The following RPS6KC1 variants were observed in gnomAD, a reference collection of about 807,000 sequenced individuals.
RPS6KC1 encodes the protein ribosomal protein S6 kinase C1.
Under a neutral mutation model 103.8 loss-of-function variants are expected in RPS6KC1, and 54 were observed. The observed-to-expected ratio is 0.52, with a 90% CI of 0.42 to 0.65. The LOEUF is 0.65. Among genes scored for constraint, RPS6KC1 ranks in the 30% least tolerant of loss-of-function variants. The probability of loss-of-function intolerance (pLI) is 0.00; values close to 1 mark genes in which losing one functional copy is unlikely to be tolerated. For missense variants in RPS6KC1, 1,151 were observed against 1,253.8 expected (o/e 0.92, Z 1.24); for synonymous variants, 439 against 438.7 (o/e 1.00, Z -0.01).
the RPS6KC1 span, among the ~76,000 whole-genome samples, chr1:213,343,824 G>A: frequency 6.6e-6 from 1 of 150,700 alleles, no homozygotes; most frequent in Non-Finnish European, 1.5e-5. Context: ...AAATAAAAAA[G>A]TTTTTTTTTG....
intron 13 of RPS6KC1, among the ~76,000 whole-genome samples, chr1:213,262,057 T>C (rs997819650): frequency 6.6e-6 from 1 of 152,192 alleles, no homozygotes; most frequent in Non-Finnish European, 1.5e-5. Context: ...TAACATTATC[T>C]TTTTCTCAGT....
At chr1:213,643,612 T>TC in the RPS6KC1 span, among the ~76,000 whole-genome samples, 2 of 151,962 alleles carry the variant, frequency 1.3e-5, no homozygotes, top group Admixed American at 6.6e-5. Flanking sequence ...CTTTTAGTAT[T>TC]CCCCTCCCTC....
At chr1:213,634,143 C>A in the RPS6KC1 span, among the ~76,000 whole-genome samples, 6 of 152,166 alleles carry the variant, frequency 3.9e-5, no homozygotes, top group South Asian at 8.3e-4. Flanking sequence ...GACTTTAACA[C>A]CCCACTGTCA....
At chr1:213,331,032 G>A in the RPS6KC1 span, among the ~76,000 whole-genome samples, 1 of 152,220 alleles carries the variant, frequency 6.6e-6, no homozygotes, top group South Asian at 2.1e-4. Flanking sequence ...GTGATGGTTG[G>A]CTTTTTGTTA....
At chr1:213,709,046 C>T in the RPS6KC1 span, among the ~76,000 whole-genome samples, 1 of 152,100 alleles carries the variant, frequency 6.6e-6, no homozygotes, top group Admixed American at 6.6e-5. Context: ...GTTTTGGTAT[C>T]AGGATATGCT....
chr1:213,766,411 T>G, the RPS6KC1 span, among the ~76,000 whole-genome samples: 1 of 152,136 alleles, frequency 6.6e-6, no homozygotes, highest in African/African-American at 2.4e-5. Context: ...TGCCATCACA[T>G]GGCACGTAAG....
the RPS6KC1 span, among the ~76,000 whole-genome samples, chr1:213,582,657 AAAC>A: frequency 6.6e-5 from 10 of 152,256 alleles, no homozygotes; most frequent in Non-Finnish European, 1.5e-4. Context: ...AGAAGATTGA[AAAC>A]TACTCTGGAT....
the RPS6KC1 span, among the ~76,000 whole-genome samples, chr1:213,649,546 G>A: frequency 6.6e-6 from 1 of 152,152 alleles, no homozygotes; most frequent in Non-Finnish European, 1.5e-5. Context: ...CCTGGCAAGC[G>A]GCACTTATTT....
chr1:213,254,805 C>T (rs2094605997), intron 12 of RPS6KC1, among the ~76,000 whole-genome samples: 1 of 152,044 alleles, frequency 6.6e-6, no homozygotes, highest in Non-Finnish European at 1.5e-5. Context: ...GTTTGTTTTT[C>T]TCTGATCATG....
chr1:213,541,082 A>T, the RPS6KC1 span, among the ~76,000 whole-genome samples: 1 of 81,168 alleles, frequency 1.2e-5, no homozygotes, highest in Non-Finnish European at 2.9e-5. Context: ...AAAGTCATCC[A>T]TGGGGTTTGG....
chr1:213,626,732 G>C, the RPS6KC1 span, among the ~76,000 whole-genome samples: 1 of 152,272 alleles, frequency 6.6e-6, no homozygotes, highest in East Asian at 1.9e-4. Context: ...AGATCAGATA[G>C]TTGTAGATAT....
At chr1:213,697,548 G>A in the RPS6KC1 span, among the ~76,000 whole-genome samples, 1 of 152,186 alleles carries the variant, frequency 6.6e-6, no homozygotes, top group South Asian at 2.1e-4. Context: ...TGCATCATTT[G>A]GCTCCTTCTC....
chr1:213,743,893 A>G, the RPS6KC1 span, among the ~76,000 whole-genome samples: 2 of 152,210 alleles, frequency 1.3e-5, no homozygotes, highest in African/African-American at 4.8e-5. Context: ...CCTGCAAACT[A>G]TATCAGCTTC....
At chr1:213,698,424 C>T in the RPS6KC1 span, among the ~76,000 whole-genome samples, 1 of 152,180 alleles carries the variant, frequency 6.6e-6, no homozygotes, top group African/African-American at 2.4e-5. Context: ...GTCACACTTT[C>T]TTTTCCTGAA....
chr1:213,530,513 G>C, the RPS6KC1 span, among the ~76,000 whole-genome samples: 2 of 122,348 alleles, frequency 1.6e-5, no homozygotes, highest in Non-Finnish European at 3.7e-5. Flanking sequence ...AGTAGAGTCA[G>C]AGCAGCTAAC....
At chr1:213,175,497 C>T (rs1000918749) in intron 7 of RPS6KC1, among the ~76,000 whole-genome samples, 1 of 152,194 alleles carries the variant, frequency 6.6e-6, no homozygotes, top group Admixed American at 6.5e-5. Flanking sequence ...TTTGCAGCAT[C>T]ACCATTTTAA....
At chr1:213,521,796 G>A in the RPS6KC1 span, among the ~76,000 whole-genome samples, 1 of 152,118 alleles carries the variant, frequency 6.6e-6, no homozygotes, top group South Asian at 2.1e-4. Context: ...TAAAATTTTA[G>A]CAATTCAATC....
the RPS6KC1 span, among the ~76,000 whole-genome samples, chr1:213,832,974 G>A: frequency 6.6e-6 from 1 of 152,068 alleles, no homozygotes; most frequent in Admixed American, 6.6e-5. Context: ...TGAAAGTCCA[G>A]GAGCAGGGAG....
the RPS6KC1 span, among the ~76,000 whole-genome samples, chr1:213,684,289 A>G: frequency 1.3e-3 from 200 of 152,248 alleles, 1 homozygote; most frequent in Middle Eastern, 0.01. Context: ...TATTACTATT[A>G]TTTAAATTAT....
Sources: allele counts gnomAD v4.1 joint callset (sites outside exome capture counted in the v4.1 genomes callset), GRCh38; gene constraint gnomAD v4.1.1; transcripts MANE v1.5; gene names NCBI Gene and HGNC (gene_info 2026-07-23, HGNC 2026-07-21).